Variants in MYO15A observed in about 807,000 individuals in gnomAD.
MYO15A encodes unconventional myosin-XV.
Under a neutral mutation model 394.6 loss-of-function variants are expected in MYO15A, and 308 were observed. The ratio of observed to expected loss-of-function variants is 0.78; its 90% CI spans 0.71 to 0.86. The LOEUF is 0.86. Among genes scored for constraint, MYO15A ranks in the 40% least tolerant of loss-of-function variants. The pLI is 0.00. For missense variants in MYO15A, 4,606 were observed against 4,799.1 expected, an observed-to-expected ratio of 0.96 and a Z score of 1.19; for synonymous variants, 1,957 against 2,003.8, an observed-to-expected ratio of 0.98 and a Z score of 0.62.
intron 56 of MYO15A, 91 bp from the exon 57 acceptor site, chr17:18,161,226 G>A (rs1437240182): frequency 6.5e-7 from 1 of 1,526,726 alleles, no homozygotes; most frequent in Non-Finnish European, 8.9e-7. Context: ...CTGCCTGAGA[G>A]TTGGAATCTG....
In MYO15A at chr17:18,122,065, G is replaced by C. The variant is rs367781635; in HGVS notation, c.3265G>C (p.Ala1089Pro). Residue 1089 changes from alanine (A) to proline (P), a missense_variant, in exon 2 of 66, where the codon GCC (alanine) becomes CCC (proline). By Grantham distance (27) the Ala-to-Pro change is conservative. This residue lies in a region of MYO15A where 1,830 missense variants were observed against 1,689.7 expected (regional missense o/e 1.08). Coordinates refer to ENST00000647165, the MANE Select transcript of MYO15A (RefSeq NM_016239.4). Reference sequence around the variant, plus strand: ...CTGGGGAACACTGCCCCAAGCCGCAGCCCCCTTGGCGCCCATCAGGGCCCC... The same window carrying C: ...CTGGGGAACACTGCCCCAAGCCGCACCCCCCTTGGCGCCCATCAGGGCCCC... ...HRWGTLPQAA[A>P]PLAPIRAPEP... 99 of 1,612,732 alleles carry C rather than the reference G, an allele frequency of 6.1e-5. No homozygotes were observed. Among genetic ancestry groups the C allele is most frequent in the Non-Finnish European group, 8.4e-5 (99 of 1,179,982 alleles).
Position 18,121,846 on chromosome 17 carries a change from G to T in MYO15A, c.3046G>T (p.Ala1016Ser). Residue 1016 changes from alanine to serine, a missense_variant, in exon 2 of 66, where the codon GCC becomes TCC. Ala to Ser is a moderately conservative substitution (Grantham distance 99). This residue lies in a region of MYO15A where 1,830 missense variants were observed against 1,689.7 expected (regional missense o/e 1.08). Transcript: ENST00000647165. The surrounding 1 kb of genome is among the most constrained non-coding windows in gnomAD (Gnocchi z 5.3). ...AACCCCTGAGAAGCCTGAAGAAGAGGCCACCCTGGGGGACCCCCAGCTGCC... is the reference window on the plus strand; with the variant it reads ...AACCCCTGAGAAGCCTGAAGAAGAGTCCACCCTGGGGGACCCCCAGCTGCC... Reference protein sequence around the residue: ...GPTPEKPEEEATLGDPQLPAE... With the variant: ...GPTPEKPEEESTLGDPQLPAE... 6.2e-7 allele frequency: 1 copy of T among 1,612,764 alleles called. No homozygotes were observed. The highest frequency in any genetic ancestry group is 2.2e-5 in the East Asian group (1 of 44,864).
intron 2 of MYO15A, chr17:18,122,620 A>G: frequency 1.4e-6 from 1 of 707,668 alleles, no homozygotes; most frequent in Non-Finnish European, 2.2e-6. Context: ...CAGGCCCAGG[A>G]CAGAGACGTG....
At position 18,119,759 on chromosome 17, in the gene MYO15A, C is replaced by T. The variant is rs200056157; in HGVS notation, c.959C>T (p.Ser320Leu). 7 of 1,612,952 alleles carry T rather than the reference C, an allele frequency of 4.3e-6. No individual in the cohort carries two copies. The East Asian group carries it at 1.3e-4, about 31-fold the overall frequency. The stretch of plus-strand genomic sequence containing the variant: ...TACGAACCCCCATATGCGCCCCCGT[C>T]GGGGTACTCGTCTCCTTACAGCTAC... ...DDYEPPYAPP[S>L]GYSSPYSYHD... Residue 320 changes from serine (S) to leucine (L), a missense_variant, in exon 2 of 66, where the codon TCG (serine) becomes TTG (leucine). Coordinates refer to ENST00000647165, the MANE Select transcript of MYO15A (RefSeq NM_016239.4).
rs1597754664 is a variant in MYO15A at position 18,120,907 on chromosome 17, C to T, written c.2107C>T (p.Pro703Ser). ...CGGCTCCCTCCGCCGCCACCCGCCG[C>T]CCTGGGCCGCCCCAGCGCACGTGCC... ...PYGSLRRHPP[P>S]WAAPAHVPPA... is the part of the protein sequence containing the mutation. Residue 703 changes from proline to serine, a missense_variant, in exon 2 of 66, where the codon CCC becomes TCC. Around this residue, in one of 2 missense-constraint regions of MYO15A, gnomAD observed 1,830 missense variants for 1,689.7 expected, o/e 1.08. Transcript: ENST00000647165. 7.0e-7 allele frequency: 1 copy of T among 1,433,340 alleles called. No homozygotes were observed. Among genetic ancestry groups the T allele is most frequent in the Admixed American group, 2.6e-5 (1 of 37,794 alleles). The allele number at this position is 1,433,340 out of a possible 1,614,324, so 88.8% of individuals were successfully genotyped here.
Position 18,148,827 on chromosome 17 carries a change from G to A in MYO15A, c.6831G>A (p.Leu2277=). 1.9e-6 allele frequency: 3 copies of A among 1,606,194 alleles called. No homozygotes were observed. Among genetic ancestry groups the A allele is most frequent in the Non-Finnish European group, 2.6e-6 (3 of 1,176,254 alleles). The change falls in exon 33 of 66, where the codon CTG becomes CTA. Residue 2277 remains leucine (L), a synonymous_variant. Coordinates refer to ENST00000647165, the MANE Select transcript of MYO15A (RefSeq NM_016239.4). The surrounding 1 kb of genome is among the most constrained non-coding windows in gnomAD (Gnocchi z 4.8). ...AGAATGGTGTCCAGTGGGCAGAGCT[G>A]GCTGGCCACGACTACGTGTTAGACC... is the stretch of plus-strand genomic sequence containing the variant. ...AMKNGVQWAE[L]AGHDYVLDLV...
chr17:18,175,878 C>A (rs141795419), intron 65 of MYO15A, among the ~76,000 whole-genome samples: 1 of 152,152 alleles, frequency 6.6e-6, no homozygotes, highest in Admixed American at 6.5e-5. Context: ...CCACCTCCCC[C>A]ATCTCTGCTC....
At chr17:18,159,139 T>G in intron 53 of MYO15A, 136 bp from the exon 54 acceptor site, 1 of 1,356,820 alleles carries the variant, frequency 7.4e-7, no homozygotes, top group Non-Finnish European at 1.0e-6. Flanking sequence ...GGACAGCCTC[T>G]GTCCCCAGTG....
rs556235558 is a variant in MYO15A at position 18,154,528 on chromosome 17, G to T, written c.8149-152G>T. The stretch of plus-strand genomic sequence containing the variant: ...AGAAAGGAGAGGGCCCTGTAAGTGG[G>T]ATCTGATTTACACAGATGACCCAGC... On this transcript the variant is annotated intron_variant, in intron 44 of 65. Transcript: ENST00000647165. 7.5e-4 allele frequency: 607 copies of T among 814,066 alleles called. 1 individual carries two copies. Among genetic ancestry groups the T allele is most frequent in the Non-Finnish European group, 1.2e-3 (563 of 481,872 alleles). The allele number at this position is 814,066 out of a possible 1,614,324, so 50.4% of individuals were successfully genotyped here.
In MYO15A at chr17:18,148,434, G is replaced by A. The variant is rs1045762129; in HGVS notation, c.6692-62G>A. ...AAGCCTGAAAGGAAGAAGCAAGCAG[G>A]GAGGCACAGCCAAACTGGACTCAGA... On this transcript the variant is annotated intron_variant, in intron 31 of 65. Coordinates refer to ENST00000647165, the MANE Select transcript of MYO15A (RefSeq NM_016239.4). The surrounding 1 kb of genome is among the most constrained non-coding windows in gnomAD (Gnocchi z 4.8). 1.9e-6 allele frequency: 3 copies of A among 1,538,940 alleles called. No homozygotes were observed. Among genetic ancestry groups the A allele is most frequent in the Non-Finnish European group, 2.6e-6 (3 of 1,136,760 alleles).
intron 62 of MYO15A, among the ~76,000 whole-genome samples, chr17:18,168,298 G>A (rs934671482): frequency 2.6e-5 from 4 of 151,790 alleles, no homozygotes; most frequent in Admixed American, 6.6e-5. Context: ...GGGCGCGGTC[G>A]CTCATGCCTG....
chr17:18,155,184 G>A lies in MYO15A; in HGVS notation c.8299G>A (p.Asp2767Asn). 1 of 1,613,996 alleles carries A rather than the reference G, an allele frequency of 6.2e-7. No homozygotes were observed. The highest frequency in any genetic ancestry group is 1.3e-5 in the African/African-American group (1 of 75,058). The change falls in exon 46 of 66, where the codon GAC becomes AAC. Residue 2767 changes from aspartate to asparagine, a missense_variant. By Grantham distance (23) the Asp-to-Asn change is conservative. Around this residue, in one of 2 missense-constraint regions of MYO15A, gnomAD observed 2,776 missense variants for 3,109.3 expected, o/e 0.89. Coordinates refer to ENST00000647165, the MANE Select transcript of MYO15A (RefSeq NM_016239.4). Reference protein sequence around the residue: ...VKRAVVSTARDTWEVYFSRIF... With the variant: ...VKRAVVSTARNTWEVYFSRIF... ...GCGGGCCGTGGTCAGCACTGCACGA[G>A]ACACCTGGGAGGTCTACTTCTCCCG...
Position 18,121,607 on chromosome 17 carries a change from C to T in MYO15A, c.2807C>T (p.Thr936Ile), listed in dbSNP as rs1297718368. 1.3e-6 allele frequency: 2 copies of T among 1,598,074 alleles called. No homozygotes were observed. Among genetic ancestry groups the T allele is most frequent in the Non-Finnish European group, 8.5e-7 (1 of 1,171,572 alleles). The change falls in exon 2 of 66, where the codon ACC (threonine) becomes ATC (isoleucine). Residue 936 changes from threonine to isoleucine, a missense_variant. Physicochemically the swap from Thr to Ile is moderately conservative, Grantham distance 89 (BLOSUM62 -1). Coordinates refer to ENST00000647165, the MANE Select transcript of MYO15A (RefSeq NM_016239.4). This position sits in a 1 kb window ranked among gnomAD's most constrained non-coding sequence, Gnocchi z 5.3. ...APSWDVDMPP[T>I]QRPPSPWPGG... ...AGCTGGGACGTGGACATGCCTCCCA[C>T]CCAACGCCCACCCTCCCCCTGGCCA... is the stretch of plus-strand genomic sequence containing the variant.
chr17:18,133,125 C>A, intron 11 of MYO15A, 100 bp from the exon 12 acceptor site: 1 of 1,269,132 alleles, frequency 7.9e-7, no homozygotes, highest in Non-Finnish European at 1.1e-6. Flanking sequence ...CTTGAGTGAC[C>A]AACTCAGGCC....
At chr17:18,124,628 A>T in intron 3 of MYO15A, 63 bp downstream of exon 3, 1 of 1,522,736 alleles carries the variant, frequency 6.6e-7, no homozygotes, top group Non-Finnish European at 9.0e-7. Flanking sequence ...CCTCCCAGCC[A>T]GAGCAGCTCC....
At position 18,160,000 on chromosome 17, in the gene MYO15A, C is replaced by A. The variant is rs150889871; in HGVS notation, c.9369C>A (p.Asp3123Glu). The change falls in exon 56 of 66, where the codon GAC becomes GAA. Residue 3123 changes from aspartate to glutamate, a missense_variant. Transcript: ENST00000647165. The stretch of plus-strand genomic sequence containing the variant: ...GCCAAGTTGTGAAGCAGATCACAGA[C>A]AATACCAGCTCCAAGCAGTGAGTGA... ...CYCQVVKQIT[D>E]NTSSKQDSCQ... 132 of 1,612,712 alleles carry A rather than the reference C, an allele frequency of 8.2e-5. No homozygotes were observed. In the South Asian group the frequency reaches 1.3e-3, roughly 16 times the overall value.
chr17:18,158,245 C>T, intron 51 of MYO15A: 2 of 586,644 alleles, frequency 3.4e-6, no homozygotes, highest in Non-Finnish European at 6.1e-6. Flanking sequence ...GTGGAGCTAG[C>T]GAGGGGCGGG....
At chr17:18,136,829 T>TC in intron 15 of MYO15A, 143 bp downstream of exon 15, 2 of 1,237,102 alleles carry the variant, frequency 1.6e-6, no homozygotes, top group Non-Finnish European at 2.2e-6. Context: ...TGTCACCATC[T>TC]CCCTTGTCTC....
intron 60 of MYO15A, among the ~76,000 whole-genome samples, chr17:18,166,101 A>G (rs1287308534): frequency 6.6e-6 from 1 of 152,174 alleles, no homozygotes. Flanking sequence ...TCCCCAGGAG[A>G]AATGGAGCAT....
Sources: allele counts gnomAD v4.1 joint callset (sites outside exome capture counted in the v4.1 genomes callset), GRCh38; gene constraint gnomAD v4.1.1; regional missense constraint gnomAD v4.1.1; non-coding constraint Gnocchi (gnomAD v3.1); transcripts MANE v1.5; gene names NCBI Gene and HGNC (gene_info 2026-07-23, HGNC 2026-07-21).